The following FARSB variants were observed in gnomAD, a reference collection of about 807,000 sequenced individuals.
The protein encoded by FARSB is phenylalanine--tRNA ligase beta subunit.
Under a neutral mutation model 69.6 loss-of-function variants are expected in FARSB, and 40 were observed. The observed-to-expected ratio is 0.57, with a 90% CI of 0.45 to 0.75. The LOEUF (loss-of-function observed/expected upper bound fraction) is 0.75. Ranked by LOEUF, FARSB falls within the 30% of genes least tolerant of loss-of-function variation. FARSB has a pLI of 0.00. For synonymous variants in FARSB, 235 were observed against 247.2 expected (o/e 0.95, Z 0.46); for missense variants, 632 against 722.9 (o/e 0.87, Z 1.44).
chr2:222,624,979 G>T (rs2106220219), intron 10 of FARSB, among the ~76,000 whole-genome samples: 1 of 152,280 alleles, frequency 6.6e-6, no homozygotes, highest in East Asian at 1.9e-4. Flanking sequence ...CATTCTACTT[G>T]CTAGACAGTT....
At chr2:222,643,780 T>C (rs1274700049) in intron 2 of FARSB, among the ~76,000 whole-genome samples, 1 of 152,110 alleles carries the variant, frequency 6.6e-6, no homozygotes, top group African/African-American at 2.4e-5. Flanking sequence ...AAGAGGGAGA[T>C]GACAGAAGAA....
At position 222,571,481 on chromosome 2, in the gene FARSB, G is replaced by A. The variant is rs1192012427; in HGVS notation, c.*390C>T. 3.5e-5 allele frequency: 5 copies of A among 142,158 alleles called. No individual in the cohort carries two copies. Among genetic ancestry groups the A allele is most frequent in the African/African-American group, 1.3e-4 (5 of 38,152 alleles). 8.8% of individuals were successfully genotyped at this position (142,158 alleles called of 1,614,324 possible). On this transcript the variant is annotated 3_prime_UTR_variant, in exon 17 of 17. Transcript: ENST00000281828. ...CAGTTATCTCGAACTCATGCAACAT[G>A]AATTCTCATCGATTATCTTGTTTTA...
At chr2:222,608,240 T>C (rs1256148973) in intron 15 of FARSB, among the ~76,000 whole-genome samples, 1 of 152,132 alleles carries the variant, frequency 6.6e-6, no homozygotes, top group Non-Finnish European at 1.5e-5. Flanking sequence ...TGACATAAGC[T>C]CTCTTTGGAA....
chr2:222,596,092 C>A (rs1378869691), intron 16 of FARSB, among the ~76,000 whole-genome samples: 1 of 152,116 alleles, frequency 6.6e-6, no homozygotes, highest in African/African-American at 2.4e-5. Context: ...CATTCTATCT[C>A]AAGTTGTTAA....
At chr2:222,597,811 C>T (rs1329372981) in intron 16 of FARSB, among the ~76,000 whole-genome samples, 1 of 152,204 alleles carries the variant, frequency 6.6e-6, no homozygotes, top group African/African-American at 2.4e-5. Flanking sequence ...TGCTCTCCAT[C>T]CCACCCAACC....
intron 15 of FARSB, among the ~76,000 whole-genome samples, chr2:222,602,543 A>G (rs980198107): frequency 1.3e-5 from 2 of 151,980 alleles, no homozygotes; most frequent in African/African-American, 4.8e-5. Flanking sequence ...AAATACTTAC[A>G]AGAATTGAGA....
rs527519382 is a variant in FARSB, at chr2:222,571,146, GCTT to G, written c.*722_*724del. The G allele has an allele frequency of 2.6e-5, 4 of 152,130 alleles. No homozygotes were observed. The highest frequency in any genetic ancestry group is 5.9e-5 in the Non-Finnish European group (4 of 68,012). 9.4% of individuals were successfully genotyped at this position (152,130 alleles called of 1,614,324 possible). A position where few individuals can be genotyped will look rare whatever the true frequency, so the allele number is the denominator to read the frequency against. ...CATGTATGGCCTATGGCAAAAATAA[GCTT>G]CTCATTGTTTCCTAATGTTCATACT... On this transcript the variant is annotated 3_prime_UTR_variant, in exon 17 of 17. Transcript: ENST00000281828.
Position 222,624,763 on chromosome 2 carries a change from G to C in FARSB, c.913C>G (p.Arg305Gly). 1 of 1,598,740 alleles carries C rather than the reference G, an allele frequency of 6.3e-7. No homozygotes were observed. The highest frequency in any genetic ancestry group is 1.3e-5 in the African/African-American group (1 of 74,528). Residue 305 changes from arginine (R) to glycine (G), a missense_variant, in exon 11 of 17, where the codon CGA (arginine) becomes GGA (glycine). By Grantham distance (125) the Arg-to-Gly change is moderately radical. Transcript: ENST00000281828. ...AGGTCAGCTCTCACCATCTCCTTTCGGTAAGCTAATTCCTTAAATAGAAAG... is the reference window on the plus strand; with the variant it reads ...AGGTCAGCTCTCACCATCTCCTTTCCGTAAGCTAATTCCTTAAATAGAAAG... ...KSHTFPELAY[R>G]KEMVRADLIN...
At chr2:222,614,680 A>G (rs1574933106) in intron 14 of FARSB, among the ~76,000 whole-genome samples, 1 of 152,278 alleles carries the variant, frequency 6.6e-6, no homozygotes, top group East Asian at 1.9e-4. Flanking sequence ...CACCACCTCC[A>G]CAGATTTAAA....
In FARSB at chr2:222,639,603, C is replaced by A. The variant is rs749096938; in HGVS notation, c.432G>T (p.Glu144Asp). 1 of 1,575,146 alleles carries A rather than the reference C, an allele frequency of 6.3e-7. No homozygotes were observed. The highest frequency in any genetic ancestry group is 8.7e-7 in the Non-Finnish European group (1 of 1,152,674). ...DRYDSFIELQEKLHQNICRKR... is the reference protein window; with the variant it reads ...DRYDSFIELQDKLHQNICRKR... ...ACCTGCAAATATTCTGATGTAATTT[C>A]TCCTGAAGTTCAATGAAGCTGTCAT... The change falls in exon 5 of 17, where the codon GAG becomes GAT. Residue 144 changes from glutamate to aspartate, a missense_variant. Glu to Asp is a conservative substitution (Grantham distance 45). Transcript: ENST00000281828.
intron 2 of FARSB, chr2:222,644,465 G>A (rs913427819): frequency 1.8e-5 from 8 of 439,204 alleles, no homozygotes; most frequent in Admixed American, 1.4e-4. Context: ...GGAAGAATTC[G>A]AGTTTAAACA....
chr2:222,624,051 C>G (rs1226033108), intron 12 of FARSB, among the ~76,000 whole-genome samples: 1 of 152,162 alleles, frequency 6.6e-6, no homozygotes, highest in Non-Finnish European at 1.5e-5. Context: ...GGGCTCCAAA[C>G]TCAAAACTTG....
rs1267683890 is a variant in FARSB at position 222,634,532 on chromosome 2, T to A, written c.465A>T (p.Ala155=). The change falls in exon 6 of 17, where the codon GCA becomes GCT. Residue 155 remains alanine (A), a synonymous_variant. Transcript: ENST00000281828. The part of the protein sequence containing the change: ...KLHQNICRKR[A]LVAIGTHDLD... Reference sequence around the variant, plus strand: ...AATCATGGGTACCAATGGCAACCAGTGCTCTTTTCCTAATTGTTGAGAGGT... The same window carrying A: ...AATCATGGGTACCAATGGCAACCAGAGCTCTTTTCCTAATTGTTGAGAGGT... 1.2e-6 allele frequency: 2 copies of A among 1,611,546 alleles called. No homozygotes were observed. Among genetic ancestry groups the A allele is most frequent in the African/African-American group, 2.7e-5 (2 of 74,816 alleles).
At chr2:222,584,033 G>C (rs980039670) in intron 16 of FARSB, among the ~76,000 whole-genome samples, 13 of 152,074 alleles carry the variant, frequency 8.5e-5, no homozygotes, top group Admixed American at 6.5e-4. Context: ...AGCTATAAAG[G>C]ACAATTGATA....
intron 2 of FARSB, among the ~76,000 whole-genome samples, chr2:222,643,564 A>T (rs1316610441): frequency 3.9e-5 from 6 of 152,228 alleles, no homozygotes; most frequent in Non-Finnish European, 8.8e-5. Flanking sequence ...TGATTCACTA[A>T]ATAAAAGAAA....
At chr2:222,573,219 T>C (rs1276291917) in intron 16 of FARSB, among the ~76,000 whole-genome samples, 1 of 152,148 alleles carries the variant, frequency 6.6e-6, no homozygotes. Context: ...TTTGTTTATA[T>C]TTCTGGGGAA....
intron 7 of FARSB, among the ~76,000 whole-genome samples, chr2:222,632,021 G>A (rs904177872): frequency 5.9e-5 from 9 of 151,956 alleles, no homozygotes; most frequent in East Asian, 1.9e-4. Flanking sequence ...GTGGTGAGCC[G>A]AGATGGTGCA....
At chr2:222,606,760 A>G (rs917624597) in intron 15 of FARSB, among the ~76,000 whole-genome samples, 2 of 152,222 alleles carry the variant, frequency 1.3e-5, no homozygotes, top group African/African-American at 4.8e-5. Context: ...TCTTCCACCA[A>G]AGTACCAATG....
intron 3 of FARSB, 31 bp downstream of exon 3, chr2:222,642,820 A>G (rs1418919293): frequency 3.3e-6 from 5 of 1,517,544 alleles, no homozygotes; most frequent in Non-Finnish European, 4.4e-6. Flanking sequence ...AACCCAACTT[A>G]GCAAAGTCTT....
Sources: gnomAD v4.1 joint callset for allele counts (sites outside exome capture counted in the v4.1 genomes callset) on GRCh38, gnomAD v4.1.1 for gene constraint, MANE v1.5 for transcripts, NCBI Gene and HGNC (gene_info 2026-07-23, HGNC 2026-07-21) for gene names.